DLGAP4: variants seen among roughly 807,000 people sequenced by gnomAD.
DLGAP4 encodes the protein disks large-associated protein 4.
Under a neutral mutation model 86.9 loss-of-function variants are expected in DLGAP4, and 18 were observed. That is an observed-to-expected ratio of 0.21 (90% CI 0.14 to 0.31). The LOEUF (loss-of-function observed/expected upper bound fraction) is 0.31, where lower values mean the gene tolerates loss of function less well. Ranked by LOEUF, DLGAP4 falls within the 10% of genes least tolerant of loss-of-function variation. The pLI is 1.00. For synonymous variants in DLGAP4, 548 were observed against 574.3 expected (o/e 0.95, Z 0.65); for missense variants, 1,085 against 1,362.6 (o/e 0.80, Z 3.21).
rs1259675376 is a variant in DLGAP4 at position 36,308,692 on chromosome 20, G to C, written c.-304+2180G>C. 2.0e-5 allele frequency among the ~76,000 whole-genome samples: 3 copies of C among 152,006 alleles called. No individual in the cohort carries two copies. Among genetic ancestry groups the C allele is most frequent in the Non-Finnish European group, 4.4e-5 (3 of 67,916 alleles). ...TAAATGCCAGCAGTTTCACATGATGGGGAGGCTCTGAGGAACTGTATCCCG... is the reference window on the plus strand; with the variant it reads ...TAAATGCCAGCAGTTTCACATGATGCGGAGGCTCTGAGGAACTGTATCCCG... On this transcript the variant is annotated intron_variant, in intron 1 of 12. Transcript: ENST00000339266. The surrounding 1 kb of genome is among the most constrained non-coding windows in gnomAD (Gnocchi z 4.5).
intron 1 of DLGAP4, among the ~76,000 whole-genome samples, chr20:36,360,171 T>C (rs1555894107): frequency 6.6e-6 from 1 of 152,186 alleles, no homozygotes; most frequent in Non-Finnish European, 1.5e-5. Context: ...AATAGGTATG[T>C]TATTATTCCC....
intron 1 of DLGAP4, among the ~76,000 whole-genome samples, chr20:36,309,860 C>T (rs1197092159): frequency 1.3e-5 from 2 of 152,220 alleles, no homozygotes; most frequent in African/African-American, 4.8e-5. Context: ...GACACAGAGT[C>T]AAACCTGTGA....
Position 36,496,723 on chromosome 20 carries a change from C to T in DLGAP4, c.1667C>T (p.Ala556Val), listed in dbSNP as rs1336928099. 6 of 1,606,672 alleles carry T rather than the reference C, an allele frequency of 3.7e-6. No homozygotes were observed. Among genetic ancestry groups the T allele is most frequent in the Admixed American group, 3.3e-5 (2 of 59,876 alleles). ...RTLPSSSCLVAYKKTPPPVPP... is the reference protein window; with the variant it reads ...RTLPSSSCLVVYKKTPPPVPP... Reference sequence around the variant, plus strand: ...TCTGCAGGTTCATCATGCCTAGTGGCGTATAAGAAGACCCCGCCACCGGTC... The same window carrying T: ...TCTGCAGGTTCATCATGCCTAGTGGTGTATAAGAAGACCCCGCCACCGGTC... Residue 556 changes from alanine (A) to valine (V), a missense_variant, in exon 8 of 13, where the codon GCG becomes GTG. Ala to Val is a moderately conservative substitution (Grantham distance 64). Transcript: ENST00000339266.
intron 7 of DLGAP4, among the ~76,000 whole-genome samples, chr20:36,451,644 C>G (rs928083680): frequency 6.6e-6 from 1 of 152,138 alleles, no homozygotes; most frequent in African/African-American, 2.4e-5. Context: ...AGCCACCACG[C>G]CTGGCTCTAC....
intron 2 of DLGAP4, among the ~76,000 whole-genome samples, chr20:36,380,764 CATGGCTACAAA>C (rs2031361727): frequency 6.6e-6 from 1 of 152,192 alleles, no homozygotes; most frequent in Admixed American, 6.5e-5. Flanking sequence ...CTTTCATTCT[CATGGCTACAAA>C]ATGGCTGCTC....
chr20:36,436,220 A>G lies in DLGAP4; in HGVS notation c.1111A>G (p.Lys371Glu). The G allele has an allele frequency of 1.2e-6, 2 of 1,605,012 alleles. No homozygotes were observed. Among genetic ancestry groups the G allele is most frequent in the Non-Finnish European group, 1.7e-6 (2 of 1,179,352 alleles). Residue 371 changes from lysine to glutamate, a missense_variant, in exon 4 of 13, where the codon AAG becomes GAG. This residue lies in a region of DLGAP4 where 1,082 missense variants were observed against 1,344.1 expected (regional missense o/e 0.81). Transcript: ENST00000339266. ...CRRMRSGSYI[K>E]AMGDEDSDES... ...GCGCATGCGCAGCGGCAGCTACATCAAGGCCATGGGCGACGAGGACAGCGA... is the reference window on the plus strand; with the variant it reads ...GCGCATGCGCAGCGGCAGCTACATCGAGGCCATGGGCGACGAGGACAGCGA...
At chr20:36,467,344 G>A (rs572979544) in intron 7 of DLGAP4, among the ~76,000 whole-genome samples, 2 of 152,208 alleles carry the variant, frequency 1.3e-5, no homozygotes, top group Non-Finnish European at 2.9e-5. Context: ...ATTCCAGGGA[G>A]GTGGGTGCAG....
At chr20:36,504,844 G>A (rs892295026) in intron 10 of DLGAP4, among the ~76,000 whole-genome samples, 1 of 152,150 alleles carries the variant, frequency 6.6e-6, no homozygotes, top group Non-Finnish European at 1.5e-5. Context: ...TTAATTGGGT[G>A]GTTTGTCTTT....
At chr20:36,396,376 CCCACATACACACATGCCACAT>C (rs2031965393) in intron 2 of DLGAP4, among the ~76,000 whole-genome samples, 10 of 111,894 alleles carry the variant, frequency 8.9e-5, no homozygotes, top group Non-Finnish European at 1.3e-4. Context: ...ATACACACAC[CCCACATACACACATGCCACAT>C]ACACACACCA....
Position 36,445,232 on chromosome 20 carries a change from G to A in DLGAP4, c.1408-1465G>A, listed in dbSNP as rs1212731685. Among the ~76,000 whole-genome samples the A allele has an allele frequency of 3.9e-5, 6 of 152,220 alleles. No individual in the cohort carries two copies. In the East Asian group the frequency reaches 7.8e-4, roughly 20 times the overall value. Reference sequence around the variant, plus strand: ...CTGAAATGCACAGATTTGGCCAGGCGCAGTGGCTCATGCCTGTAATCCCAG... The same window carrying A: ...CTGAAATGCACAGATTTGGCCAGGCACAGTGGCTCATGCCTGTAATCCCAG... On this transcript the variant is annotated intron_variant, in intron 6 of 12. Transcript: ENST00000339266.
chr20:36,417,877 C>T (rs893274605), intron 2 of DLGAP4, among the ~76,000 whole-genome samples: 1 of 152,040 alleles, frequency 6.6e-6, no homozygotes, highest in Non-Finnish European at 1.5e-5. Flanking sequence ...CTCCACCTCC[C>T]AAGTTCAAGC....
At chr20:36,319,852 T>C (rs1366728026) in intron 1 of DLGAP4, among the ~76,000 whole-genome samples, 4 of 152,100 alleles carry the variant, frequency 2.6e-5, no homozygotes, top group Non-Finnish European at 5.9e-5. Flanking sequence ...CAGGCCTCTG[T>C]GTGACCCTGT....
intron 1 of DLGAP4, among the ~76,000 whole-genome samples, chr20:36,327,590 CTT>C (rs555766337): frequency 1.9e-4 from 23 of 119,994 alleles, no homozygotes; most frequent in Admixed American, 3.4e-4. Context: ...TGGTTAAATT[CTT>C]TTTTTTTTTT....
chr20:36,506,088 T>G (rs1055309605), intron 10 of DLGAP4, among the ~76,000 whole-genome samples: 7 of 152,322 alleles, frequency 4.6e-5, no homozygotes, highest in Middle Eastern at 3.4e-3. Flanking sequence ...AGTGTATATT[T>G]TACTCTTACA....
At chr20:36,445,628 G>A (rs532731832) in intron 6 of DLGAP4, among the ~76,000 whole-genome samples, 114 of 152,336 alleles carry the variant, frequency 7.5e-4, no homozygotes, top group Non-Finnish European at 1.5e-3. Context: ...TCATGTAGAT[G>A]AGGAGAAACT....
At chr20:36,520,319 A>G (rs1381398925) in intron 10 of DLGAP4, among the ~76,000 whole-genome samples, 2 of 151,918 alleles carry the variant, frequency 1.3e-5, no homozygotes, top group East Asian at 3.9e-4. Flanking sequence ...ATTTTCTCCC[A>G]TTCTGTGCGT....
chr20:36,373,952 G>A (rs936031058), intron 2 of DLGAP4, among the ~76,000 whole-genome samples: 14 of 149,382 alleles, frequency 9.4e-5, no homozygotes, highest in African/African-American at 3.0e-4. Context: ...TGGAAGAATC[G>A]CTTGAATGCT....
At chr20:36,483,296 G>T (rs1197882698) in intron 7 of DLGAP4, among the ~76,000 whole-genome samples, 1 of 152,164 alleles carries the variant, frequency 6.6e-6, no homozygotes, top group Non-Finnish European at 1.5e-5. Context: ...CATACTATTT[G>T]GAGGTCAGTG....
chr20:36,433,738 G>GC (rs1349946044), intron 3 of DLGAP4, among the ~76,000 whole-genome samples: 2 of 151,302 alleles, frequency 1.3e-5, no homozygotes, highest in Non-Finnish European at 2.9e-5. Flanking sequence ...TGCAACCTCC[G>GC]CCCCCCGGGT....
Sources: allele counts gnomAD v4.1 joint callset (sites outside exome capture counted in the v4.1 genomes callset), GRCh38; gene constraint gnomAD v4.1.1; regional missense constraint gnomAD v4.1.1; non-coding constraint Gnocchi (gnomAD v3.1); transcripts MANE v1.5; gene names NCBI Gene and HGNC (gene_info 2026-07-23, HGNC 2026-07-21).